The following OR4K2 variants were observed in gnomAD, a reference collection of about 807,000 sequenced individuals.
The protein encoded by OR4K2 is olfactory receptor 4K2.
In OR4K2, 8 loss-of-function variants were observed where a neutral mutation model predicts 10.5. The observed-to-expected ratio is 0.76, with a 90% CI of 0.45 to 1.37. The LOEUF is 1.37. Ranked by LOEUF, OR4K2 falls within the 40% of genes most tolerant of loss-of-function variation. The pLI, the probability that OR4K2 is intolerant of heterozygous loss-of-function variation, is 0.00. For synonymous variants in OR4K2, 178 were observed against 133.6 expected, an observed-to-expected ratio of 1.33 and a Z score of -2.29; for missense variants, 547 against 379.5, an observed-to-expected ratio of 1.44 and a Z score of -3.67.
Position 19,876,658 on chromosome 14 carries a change from C to CACTATG in OR4K2, c.392_397dup (p.Tyr132_Ala133insAspTyr). On this transcript the variant is annotated inframe_insertion, in exon 2 of 2. Transcript: ENST00000641885. ...GTATATTGCAATATGCAAGCCCCTG[C>CACTATG]ACTATGCTTCTGTCATTAGTCCCCA... 1 of 1,614,176 alleles carries CACTATG rather than the reference C, an allele frequency of 6.2e-7. No individual in the cohort carries two copies. The highest frequency in any genetic ancestry group is 1.1e-5 in the South Asian group (1 of 91,084).
rs555578802 is a variant in OR4K2 at position 19,880,832 on chromosome 14, G to A, written c.*3620G>A. 5 of 152,324 alleles carry A rather than the reference G, an allele frequency of 3.3e-5. No individual in the cohort carries two copies. The South Asian group carries it at 1.0e-3, about 32-fold the overall frequency. The allele number at this position is 152,324 out of a possible 1,614,324, so 9.4% of individuals were successfully genotyped here. On this transcript the variant is annotated 3_prime_UTR_variant, in exon 2 of 2. Transcript: ENST00000641885. Reference sequence around the variant, plus strand: ...AATGATGTTTGACTCATATTATTAAGGTGAAGAGATAGGCAGATGGATAGA... The same window carrying A: ...AATGATGTTTGACTCATATTATTAAAGTGAAGAGATAGGCAGATGGATAGA...
Position 19,883,032 on chromosome 14 carries a change from T to C in OR4K2, c.*5820T>C, listed in dbSNP as rs944308905. ...TTAGTAGAGAAGGGGTTATAATTTA[T>C]CTTTTGAAAAACCTGAGTTATTTAC... On this transcript the variant is annotated 3_prime_UTR_variant, in exon 2 of 2. Transcript: ENST00000641885. 5 of 152,480 alleles carry C rather than the reference T, an allele frequency of 3.3e-5. No individual in the cohort carries two copies. The South Asian group carries it at 6.2e-4, about 19-fold the overall frequency. 9.4% of individuals were successfully genotyped at this position (152,480 alleles called of 1,614,324 possible).
In OR4K2 at chr14:19,878,196, T is replaced by C. The variant is rs1009931010; in HGVS notation, c.*984T>C. 5 of 152,224 alleles carry C rather than the reference T, an allele frequency of 3.3e-5. No individual in the cohort carries two copies. Among genetic ancestry groups the C allele is most frequent in the African/African-American group, 1.2e-4 (5 of 41,470 alleles). The allele number at this position is 152,224 out of a possible 1,614,324, so 9.4% of individuals were successfully genotyped here. ...ATAAATAAATCTGGTAGGTTCAATA[T>C]TAGCTTTAATGTATACAAAGTATTA... On this transcript the variant is annotated 3_prime_UTR_variant, in exon 2 of 2. Transcript: ENST00000641885.
In OR4K2 at chr14:19,878,846, T is replaced by C. The variant is rs189608413; in HGVS notation, c.*1634T>C. ...TTGGTTGCAGTTATATGTACAAATA[T>C]GTTCATATTCAAGGACTTCGTTTAT... On this transcript the variant is annotated 3_prime_UTR_variant, in exon 2 of 2. Coordinates refer to ENST00000641885, the MANE Select transcript of OR4K2 (RefSeq NM_001005501.2). 6.6e-5 allele frequency: 10 copies of C among 152,346 alleles called. No homozygotes were observed. 9.4% of individuals were successfully genotyped at this position (152,346 alleles called of 1,614,324 possible).
In OR4K2 at chr14:19,878,451, T is replaced by C. The variant is rs542005974; in HGVS notation, c.*1239T>C. On this transcript the variant is annotated 3_prime_UTR_variant, in exon 2 of 2. Coordinates refer to ENST00000641885, the MANE Select transcript of OR4K2 (RefSeq NM_001005501.2). ...CACAGTATTTGATAATATCAAGTTGTTATTTTCTGGTATGATTGAGTAAAT... is the reference window on the plus strand; with the variant it reads ...CACAGTATTTGATAATATCAAGTTGCTATTTTCTGGTATGATTGAGTAAAT... The C allele has an allele frequency of 1.3e-5, 2 of 152,328 alleles. No individual in the cohort carries two copies. The highest frequency in any genetic ancestry group is 1.3e-4 in the Admixed American group (2 of 15,284). The allele number at this position is 152,328 out of a possible 1,614,324, so 9.4% of individuals were successfully genotyped here.
In OR4K2 at chr14:19,876,694, G is replaced by T; in HGVS notation, c.427G>T (p.Ala143Ser). 6.2e-7 allele frequency: 1 copy of T among 1,614,146 alleles called. No homozygotes were observed. Among genetic ancestry groups the T allele is most frequent in the African/African-American group, 1.3e-5 (1 of 75,052 alleles). The change falls in exon 2 of 2, where the codon GCT (alanine) becomes TCT (serine). Residue 143 changes from alanine (A) to serine (S), a missense_variant. Transcript: ENST00000641885. The stretch of plus-strand genomic sequence containing the variant: ...TGTCATTAGTCCCCAGGTGTGTGTT[G>T]CTCTCGTGGTGGCTTCCTGGATTAT... ...ASVISPQVCV[A>S]LVVASWIMGV...
intron 1 of OR4K2, 52 bp from the exon 2 acceptor site, chr14:19,876,193 C>A (rs1880887792): frequency 8.4e-7 from 1 of 1,185,878 alleles, no homozygotes. Flanking sequence ...GAATCTTTTG[C>A]TTCTATTGAA....
In OR4K2 at chr14:19,877,246, T is replaced by G. The variant is rs759768419; in HGVS notation, c.*34T>G. 1.1e-5 allele frequency: 16 copies of G among 1,404,072 alleles called. No individual in the cohort carries two copies. Among genetic ancestry groups the G allele is most frequent in the Non-Finnish European group, 1.6e-5 (16 of 1,031,102 alleles). The allele number at this position is 1,404,072 out of a possible 1,614,324, so 87.0% of individuals were successfully genotyped here. ...ACACAGAACATTAGACACAATGCTG[T>G]GTTAGGCTTTTCTTTCTAGAGGGTT... is the stretch of plus-strand genomic sequence containing the variant. On this transcript the variant is annotated 3_prime_UTR_variant, in exon 2 of 2. Coordinates refer to ENST00000641885, the MANE Select transcript of OR4K2 (RefSeq NM_001005501.2).
In OR4K2 at chr14:19,877,297, T is replaced by A. The variant is rs1263538095; in HGVS notation, c.*85T>A. 3.2e-6 allele frequency: 3 copies of A among 934,128 alleles called. No homozygotes were observed. The African/African-American group carries it at 5.0e-5, about 16-fold the overall frequency. The allele number at this position is 934,128 out of a possible 1,614,324, so 57.9% of individuals were successfully genotyped here. A position where few individuals can be genotyped will look rare whatever the true frequency, so the allele number is the denominator to read the frequency against. On this transcript the variant is annotated 3_prime_UTR_variant, in exon 2 of 2. Transcript: ENST00000641885. ...CTTACCAAATTGTAATTGCCAAGAA[T>A]TTGTGAGGGCTCAAGTTCAGTGCAT...
In OR4K2 at chr14:19,880,645, T is replaced by G. The variant is rs951597836; in HGVS notation, c.*3433T>G. On this transcript the variant is annotated 3_prime_UTR_variant, in exon 2 of 2. Transcript: ENST00000641885. ...CACTGGTTCTTACATTAATTAAAGC[T>G]TCTGGAAACTTGTTTTTCTGTCTGT... 1 of 152,272 alleles carries G rather than the reference T, an allele frequency of 6.6e-6. No homozygotes were observed. The highest frequency in any genetic ancestry group is 1.5e-5 in the Non-Finnish European group (1 of 68,046). The allele number at this position is 152,272 out of a possible 1,614,324, so 9.4% of individuals were successfully genotyped here. A position where few individuals can be genotyped will look rare whatever the true frequency, so the allele number is the denominator to read the frequency against.
rs1880885243 is a variant in OR4K2, at chr14:19,876,042, T to C, written c.-116T>C. The stretch of plus-strand genomic sequence containing the variant: ...AAGAAAGTGTTCTTTTCAATACCTA[T>C]GATTTAAGGAACATTTTGCTATAAG... On this transcript the variant is annotated 5_prime_UTR_variant, in exon 1 of 2. The change abolishes an upstream ATG in the 5' untranslated region. Transcript: ENST00000641885. The C allele has an allele frequency of 9.9e-6, 5 of 504,156 alleles. No homozygotes were observed. The highest frequency in any genetic ancestry group is 1.4e-5 in the Non-Finnish European group (4 of 288,500). The allele number at this position is 504,156 out of a possible 1,614,324, so 31.2% of individuals were successfully genotyped here. A position where few individuals can be genotyped will look rare whatever the true frequency, so the allele number is the denominator to read the frequency against.
chr14:19,882,098 A>G lies in OR4K2; in HGVS notation c.*4886A>G, dbSNP rs1222766545. On this transcript the variant is annotated 3_prime_UTR_variant, in exon 2 of 2. Transcript: ENST00000641885. ...ACCCCAGTAATGTGATGTAAGGGCA[A>G]AAGGCAAAAAGCCTTGGTGTCATTG... 6.6e-6 allele frequency: 1 copy of G among 152,318 alleles called. No individual in the cohort carries two copies. Among genetic ancestry groups the G allele is most frequent in the African/African-American group, 2.4e-5 (1 of 41,452 alleles). 9.4% of individuals were successfully genotyped at this position (152,318 alleles called of 1,614,324 possible).
rs1881043686 is a variant in OR4K2, at chr14:19,881,849, C to A, written c.*4637C>A. 6.6e-6 allele frequency: 1 copy of A among 151,470 alleles called. No individual in the cohort carries two copies. The highest frequency in any genetic ancestry group is 1.5e-5 in the Non-Finnish European group (1 of 67,902). The allele number at this position is 151,470 out of a possible 1,614,324, so 9.4% of individuals were successfully genotyped here. A position where few individuals can be genotyped will look rare whatever the true frequency, so the allele number is the denominator to read the frequency against. On this transcript the variant is annotated 3_prime_UTR_variant, in exon 2 of 2. Coordinates refer to ENST00000641885, the MANE Select transcript of OR4K2 (RefSeq NM_001005501.2). ...TTTTTTAGTTTGAGACTAGAAATAG[C>A]AATTTAATTAGTAATTTGTTTTTAT...
In OR4K2 at chr14:19,877,969, T is replaced by A. The variant is rs2138531664; in HGVS notation, c.*757T>A. The A allele has an allele frequency of 6.6e-6, 1 of 152,384 alleles. No homozygotes were observed. Among genetic ancestry groups the A allele is most frequent in the African/African-American group, 2.4e-5 (1 of 41,596 alleles). The allele number at this position is 152,384 out of a possible 1,614,324, so 9.4% of individuals were successfully genotyped here. On this transcript the variant is annotated 3_prime_UTR_variant, in exon 2 of 2. Coordinates refer to ENST00000641885, the MANE Select transcript of OR4K2 (RefSeq NM_001005501.2). The stretch of plus-strand genomic sequence containing the variant: ...GATGGTTGCTTAGTTCCTAAGAAGT[T>A]AAAACTAGAATTGAGAGACACAGTT...
At position 19,875,436 on chromosome 14, in the gene OR4K2, CAG is replaced by C. The variant is rs1486680011; in HGVS notation, c.-719_-718del. ...AACATTTACAGAAGAAGAATTCAAA[CAG>C]AGGTGAAATGAAAGAGACTGATCTT... On this transcript the variant is annotated 5_prime_UTR_variant, in exon 1 of 2. It removes the in-frame stop codon of an upstream open reading frame in the 5' UTR. Transcript: ENST00000641885. The C allele has an allele frequency of 7.2e-5, 11 of 152,170 alleles. No homozygotes were observed. The highest frequency in any genetic ancestry group is 2.7e-4 in the African/African-American group (11 of 41,436). 9.4% of individuals were successfully genotyped at this position (152,170 alleles called of 1,614,324 possible).
Position 19,875,486 on chromosome 14 carries a change from T to C in OR4K2, c.-672T>C, listed in dbSNP as rs1164349588. On this transcript the variant is annotated 5_prime_UTR_variant, in exon 1 of 2. Transcript: ENST00000641885. ...CTTTGAGCACTTTCCCATGAAAATGTTGTTATATATCCTTTGTGATATAAA... is the reference window on the plus strand; with the variant it reads ...CTTTGAGCACTTTCCCATGAAAATGCTGTTATATATCCTTTGTGATATAAA... 1 of 152,240 alleles carries C rather than the reference T, an allele frequency of 6.6e-6. No homozygotes were observed. The highest frequency in any genetic ancestry group is 1.5e-5 in the Non-Finnish European group (1 of 68,038). 9.4% of individuals were successfully genotyped at this position (152,240 alleles called of 1,614,324 possible).
chr14:19,881,652 T>TA lies in OR4K2; in HGVS notation c.*4440_*4441insA, dbSNP rs1447345124. 2.0e-5 allele frequency: 3 copies of TA among 151,790 alleles called. No homozygotes were observed. Among genetic ancestry groups the TA allele is most frequent in the African/African-American group, 7.3e-5 (3 of 41,310 alleles). The allele number at this position is 151,790 out of a possible 1,614,324, so 9.4% of individuals were successfully genotyped here. On this transcript the variant is annotated 3_prime_UTR_variant, in exon 2 of 2. Coordinates refer to ENST00000641885, the MANE Select transcript of OR4K2 (RefSeq NM_001005501.2). ...ATGTTCTCGGGCTGGAGGCTCCAGGTTTTTTTCCCCCATTAGCCTTTTTAT... is the reference window on the plus strand; with the variant it reads ...ATGTTCTCGGGCTGGAGGCTCCAGGTATTTTTTCCCCCATTAGCCTTTTTAT...
chr14:19,879,380 T>C lies in OR4K2; in HGVS notation c.*2168T>C, dbSNP rs1319955. ...ACTCTTTCACCAAGGATAACTGCAG[T>C]GACATGGCCATGGACTCGTTAAGCA... On this transcript the variant is annotated 3_prime_UTR_variant, in exon 2 of 2. Transcript: ENST00000641885. The C allele has an allele frequency of 0.28, 41,860 of 148,536 alleles. 2,872 individuals carry two copies. Among genetic ancestry groups the C allele is most frequent in the East Asian group, 0.56 (2,869 of 5,114 alleles). The allele number at this position is 148,536 out of a possible 1,614,324, so 9.2% of individuals were successfully genotyped here. A position where few individuals can be genotyped will look rare whatever the true frequency, so the allele number is the denominator to read the frequency against.
chr14:19,876,503 C>T lies in OR4K2; in HGVS notation c.236C>T (p.Pro79Leu). The change falls in exon 2 of 2, where the codon CCA becomes CTA. Residue 79 changes from proline (P) to leucine (L), a missense_variant. By Grantham distance (98) the Pro-to-Leu change is moderately conservative (BLOSUM62 -3). Transcript: ENST00000641885. The stretch of plus-strand genomic sequence containing the variant: ...ATGTCTCTTGCTTCTTTCGCCACCC[C>T]AAAGATGATTACAGATTACCTAACA... ...IDMSLASFATPKMITDYLTGH... is the reference protein window; with the variant it reads ...IDMSLASFATLKMITDYLTGH... 6.2e-7 allele frequency: 1 copy of T among 1,614,132 alleles called. No individual in the cohort carries two copies. Among genetic ancestry groups the T allele is most frequent in the Non-Finnish European group, 8.5e-7 (1 of 1,179,976 alleles).
Sources: gnomAD v4.1 joint callset for allele counts on GRCh38, gnomAD v4.1.1 for gene constraint, MANE v1.5 for transcripts, NCBI Gene and HGNC (gene_info 2026-07-23, HGNC 2026-07-21) for gene names.